SMURF2: variants seen among roughly 807,000 people sequenced by gnomAD.
SMURF2 encodes E3 ubiquitin-protein ligase SMURF2.
SMURF2 carries 48 observed loss-of-function variants against 109.6 expected under a neutral mutation model. The ratio of observed to expected loss-of-function variants is 0.44; its 90% CI spans 0.35 to 0.56. The LOEUF (loss-of-function observed/expected upper bound fraction) is 0.56. Ranked by LOEUF, SMURF2 falls within the 20% of genes least tolerant of loss-of-function variation. The pLI, the probability that SMURF2 is intolerant of heterozygous loss-of-function variation, is 0.01. For missense variants in SMURF2, 575 were observed against 909.0 expected, an observed-to-expected ratio of 0.63 and a Z score of 4.72; for synonymous variants, 288 against 317.1, an observed-to-expected ratio of 0.91 and a Z score of 0.97.
chr17:64,543,049 C>T lies in SMURF2; in HGVS notation c.*2799G>A, dbSNP rs1968896821. On this transcript the variant is annotated 3_prime_UTR_variant, in exon 19 of 19. Coordinates refer to ENST00000262435, the MANE Select transcript of SMURF2 (RefSeq NM_022739.4). ...AACAGATATCACATATCTGAAATAA[C>T]AATACAGCTAGAGGGAAGACAAGAA... The T allele has an allele frequency of 6.6e-6, 1 of 151,936 alleles. No individual in the cohort carries two copies. The highest frequency in any genetic ancestry group is 2.1e-4 in the South Asian group (1 of 4,826). 9.4% of individuals were successfully genotyped at this position (151,936 alleles called of 1,614,324 possible).
At chr17:64,627,905 C>T (rs1266820643) in intron 1 of SMURF2, among the ~76,000 whole-genome samples, 4 of 152,180 alleles carry the variant, frequency 2.6e-5, no homozygotes, top group East Asian at 1.9e-4. Flanking sequence ...CCTGACAGCG[C>T]GCTTAGACTT....
intron 5 of SMURF2, among the ~76,000 whole-genome samples, chr17:64,590,335 G>GT (rs1555687589): frequency 6.6e-6 from 1 of 151,668 alleles, no homozygotes; most frequent in Non-Finnish European, 1.5e-5. Flanking sequence ...TAGAGATGGG[G>GT]TTTCACCATG....
intron 2 of SMURF2, among the ~76,000 whole-genome samples, chr17:64,603,181 C>T (rs1969921580): frequency 6.6e-6 from 1 of 150,874 alleles, no homozygotes; most frequent in Non-Finnish European, 1.5e-5. Flanking sequence ...TTCAATTTGG[C>T]CCCCTATAAA....
chr17:64,647,787 G>A (rs1555693096), intron 1 of SMURF2, among the ~76,000 whole-genome samples: 2 of 151,954 alleles, frequency 1.3e-5, no homozygotes, highest in African/African-American at 4.8e-5. Context: ...TAGACACAGT[G>A]GCTCATGTCT....
chr17:64,600,820 T>C (rs1233731945), intron 2 of SMURF2, among the ~76,000 whole-genome samples: 1 of 152,128 alleles, frequency 6.6e-6, no homozygotes, highest in Non-Finnish European at 1.5e-5. Flanking sequence ...TTTAAATAAA[T>C]AAACATATAA....
At position 64,566,508 on chromosome 17, in the gene SMURF2, AAAAACAAAAC is replaced by A. The variant is rs782783715; in HGVS notation, c.1017-3552_1017-3543del. Among the ~76,000 whole-genome samples the A allele has an allele frequency of 7.9e-5, 12 of 151,122 alleles. No homozygotes were observed. The East Asian group carries it at 2.3e-3, about 29-fold the overall frequency. On this transcript the variant is annotated intron_variant, in intron 10 of 18. Transcript: ENST00000262435. ...TGTGAAATCCTGTCCTTAAGAAGAA[AAAAACAAAAC>A]AAAACAAAACAAAAACGGATGTAGA...
intron 10 of SMURF2, among the ~76,000 whole-genome samples, chr17:64,567,110 G>C (rs781991302): frequency 6.6e-6 from 1 of 151,622 alleles, no homozygotes; most frequent in African/African-American, 2.4e-5. Flanking sequence ...TACCCGCCTC[G>C]GCCTCCCAAA....
chr17:64,655,889 C>T (rs906485522), intron 1 of SMURF2, among the ~76,000 whole-genome samples: 6 of 151,910 alleles, frequency 3.9e-5, no homozygotes, highest in Admixed American at 6.6e-5. Context: ...AGTGAGACTC[C>T]GTCTCTTTAA....
chr17:64,629,417 T>C (rs1181606567), intron 1 of SMURF2, among the ~76,000 whole-genome samples: 3 of 152,012 alleles, frequency 2.0e-5, no homozygotes, highest in Non-Finnish European at 2.9e-5. Flanking sequence ...GGCAAAAGGA[T>C]AGCCTGAGCC....
At chr17:64,569,049 G>A (rs1484661581) in intron 10 of SMURF2, among the ~76,000 whole-genome samples, 3 of 151,994 alleles carry the variant, frequency 2.0e-5, no homozygotes, top group Admixed American at 2.0e-4. Flanking sequence ...TGTAATCCCA[G>A]CACTTTGGGA....
intron 1 of SMURF2, among the ~76,000 whole-genome samples, chr17:64,610,737 C>T (rs1289940653): frequency 6.6e-6 from 1 of 152,108 alleles, no homozygotes; most frequent in Non-Finnish European, 1.5e-5. Flanking sequence ...CACATGTACC[C>T]CAGAACTTAA....
intron 18 of SMURF2, 135 bp downstream of exon 18, chr17:64,546,128 A>T: frequency 1.0e-6 from 1 of 978,794 alleles, no homozygotes. Context: ...TTAACTTTTA[A>T]ATCACTTAAG....
chr17:64,607,953 G>A (rs1438512787), intron 1 of SMURF2, among the ~76,000 whole-genome samples: 3 of 150,570 alleles, frequency 2.0e-5, no homozygotes, highest in Non-Finnish European at 4.4e-5. Context: ...AGCCAAGATT[G>A]CAACCACTGA....
chr17:64,557,729 AACAAGATATG>A lies in SMURF2; in HGVS notation c.1317-17_1317-8del. ...CAAGAGATACAACCATTCCCTAGAA[AACAAGATATG>A]ACCAAGGAATTTTTTTGTTAATGTA... is the stretch of plus-strand genomic sequence containing the variant. On this transcript the variant is annotated splice_polypyrimidine_tract_variant and splice_region_variant and intron_variant, in intron 12 of 18. Transcript: ENST00000262435. The A allele has an allele frequency of 6.4e-7, 1 of 1,563,068 alleles. No homozygotes were observed. Among genetic ancestry groups the A allele is most frequent in the South Asian group, 1.1e-5 (1 of 87,582 alleles).
intron 1 of SMURF2, among the ~76,000 whole-genome samples, chr17:64,645,206 G>A (rs565303858): frequency 6.6e-6 from 1 of 152,246 alleles, no homozygotes; most frequent in East Asian, 1.9e-4. Flanking sequence ...AGGGCCAAAT[G>A]ATAAAGAGTT....
intron 1 of SMURF2, among the ~76,000 whole-genome samples, chr17:64,643,072 T>C (rs1970511901): frequency 6.6e-6 from 1 of 152,168 alleles, no homozygotes; most frequent in Admixed American, 6.6e-5. Flanking sequence ...TCACCTGGGC[T>C]GGAGTACAGT....
At chr17:64,564,070 G>A (rs1206585896) in intron 10 of SMURF2, among the ~76,000 whole-genome samples, 1 of 152,194 alleles carries the variant, frequency 6.6e-6, no homozygotes, top group African/African-American at 2.4e-5. Flanking sequence ...TGGGAGGGCT[G>A]GGGGCATGGC....
intron 1 of SMURF2, among the ~76,000 whole-genome samples, chr17:64,626,613 A>G (rs541225313): frequency 1.3e-4 from 20 of 152,154 alleles, no homozygotes; most frequent in South Asian, 1.2e-3. Flanking sequence ...AAATACAAAA[A>G]TTAGCCAGGC....
intron 1 of SMURF2, among the ~76,000 whole-genome samples, chr17:64,641,378 C>A (rs1340342034): frequency 1.3e-5 from 2 of 152,104 alleles, no homozygotes; most frequent in Non-Finnish European, 2.9e-5. Context: ...GTAGCAGCAC[C>A]TGCTGCCACT....
Sources: allele counts gnomAD v4.1 joint callset (sites outside exome capture counted in the v4.1 genomes callset), GRCh38; gene constraint gnomAD v4.1.1; transcripts MANE v1.5; gene names NCBI Gene and HGNC (gene_info 2026-07-23, HGNC 2026-07-21).